SERPINB8: variants seen among roughly 807,000 people sequenced by gnomAD.
The protein encoded by SERPINB8 is serpin family B member 8.
SERPINB8 carries 25 observed loss-of-function variants against 35.3 expected under a neutral mutation model. The observed-to-expected ratio is 0.71, with a 90% CI of 0.52 to 0.99. The LOEUF (loss-of-function observed/expected upper bound fraction) is 0.99. SERPINB8 is among the 50% of genes least tolerant of loss of function. SERPINB8 has a pLI of 0.00. For missense variants in SERPINB8, 484 were observed against 446.5 expected (o/e 1.08, Z -0.76); for synonymous variants, 186 against 160.8 (o/e 1.16, Z -1.19).
At chr18:63,985,718 A>G (rs1462026365) in intron 6 of SERPINB8, among the ~76,000 whole-genome samples, 1 of 152,238 alleles carries the variant, frequency 6.6e-6, no homozygotes, top group Non-Finnish European at 1.5e-5. Context: ...GAACCACACT[A>G]TGAATAGCAA....
At chr18:64,014,852 G>T (rs2050942345) in intron 7 of SERPINB8, among the ~76,000 whole-genome samples, 1 of 152,144 alleles carries the variant, frequency 6.6e-6, no homozygotes, top group South Asian at 2.1e-4. Context: ...GAGCTACCCA[G>T]ATTCAAATCC....
chr18:64,000,971 T>C (rs1314487800), intron 1 of SERPINB8, among the ~76,000 whole-genome samples: 1 of 152,254 alleles, frequency 6.6e-6, no homozygotes, highest in Non-Finnish European at 1.5e-5. Flanking sequence ...AAATGTAGGA[T>C]TGCTATGTAG....
rs914626570 is a variant in SERPINB8 at position 63,986,972 on chromosome 18, G to A, written c.819G>A (p.Leu273=). Residue 273 remains leucine, a synonymous_variant, in exon 7 of 7, where the codon CTG becomes CTA. Coordinates refer to ENST00000397985, the MANE Select transcript of SERPINB8 (RefSeq NM_002640.4). ...AAGTTTTCCTTCCCAGATTAAAGCT[G>A]GAGGAGAGTTATGACTTGGAGCCTT... ...KVQVFLPRLK[L]EESYDLEPFL... The A allele has an allele frequency of 2.2e-5, 35 of 1,614,100 alleles. No homozygotes were observed. Among genetic ancestry groups the A allele is most frequent in the Non-Finnish European group, 2.9e-5 (34 of 1,180,040 alleles).
rs751587744 is a variant in SERPINB8 at position 63,985,175 on chromosome 18, A to G, written c.650A>G (p.Glu217Gly). ...YADEVHTQVL[E>G]LPYVEEELSM... is the part of the protein sequence containing the mutation. ...GATGAGGTACACACCCAGGTCCTGG[A>G]GCTGCCCTATGTGGAAGAGGAGCTG... The change falls in exon 6 of 7, where the codon GAG (glutamate) becomes GGG (glycine). Residue 217 changes from glutamate to glycine, a missense_variant. By Grantham distance (98) the Glu-to-Gly change is moderately conservative. Transcript: ENST00000397985. The G allele has an allele frequency of 3.1e-6, 5 of 1,614,192 alleles. No homozygotes were observed. Among genetic ancestry groups the G allele is most frequent in the Non-Finnish European group, 8.5e-7 (1 of 1,180,036 alleles).
intron 1 of SERPINB8, among the ~76,000 whole-genome samples, chr18:64,004,324 A>G (rs912769687): frequency 3.3e-5 from 5 of 152,224 alleles, no homozygotes; most frequent in South Asian, 2.1e-4. Context: ...CTGAAAAGAA[A>G]AAAAGCCTTG....
chr18:63,983,873 G>A (rs567205650), intron 5 of SERPINB8, 152 bp downstream of exon 5: 1 of 579,640 alleles, frequency 1.7e-6, no homozygotes, highest in East Asian at 3.2e-5. Context: ...TTGAGACAGG[G>A]TCTCTTTTTG....
chr18:64,001,660 T>C (rs569588652), intron 1 of SERPINB8, among the ~76,000 whole-genome samples: 65 of 152,176 alleles, frequency 4.3e-4, no homozygotes, highest in African/African-American at 1.5e-3. Flanking sequence ...CTAATTTTTG[T>C]ATTTTTAGTA....
At chr18:64,003,996 T>C (rs1226078526) in intron 1 of SERPINB8, among the ~76,000 whole-genome samples, 1 of 152,196 alleles carries the variant, frequency 6.6e-6, no homozygotes, top group Non-Finnish European at 1.5e-5. Flanking sequence ...TAAAATTACA[T>C]TCTATTTGGC....
At chr18:64,010,008 A>C (rs759845002), downstream of SERPINB8, among the ~76,000 whole-genome samples, 83 of 152,122 alleles carry the variant, frequency 5.5e-4, no homozygotes, top group Non-Finnish European at 1.0e-3. Flanking sequence ...ACAGAAACTA[A>C]GAGATGATAG....
chr18:63,994,810 A>G (rs1466852525), intron 1 of SERPINB8, among the ~76,000 whole-genome samples: 1 of 152,080 alleles, frequency 6.6e-6, no homozygotes, highest in African/African-American at 2.4e-5. Flanking sequence ...GATTTCAAGA[A>G]TTTTTATGCC....
intron 1 of SERPINB8, among the ~76,000 whole-genome samples, chr18:63,973,349 T>C (rs1429167428): frequency 2.6e-5 from 4 of 152,226 alleles, no homozygotes; most frequent in Non-Finnish European, 5.9e-5. Flanking sequence ...TTTGTTTTTT[T>C]CTTGTAAATT....
intron 4 of SERPINB8, among the ~76,000 whole-genome samples, chr18:63,982,604 A>G (rs1306714272): frequency 6.6e-6 from 1 of 152,176 alleles, no homozygotes; most frequent in African/African-American, 2.4e-5. Context: ...CCCTGATTCT[A>G]CTGAAAGCCA....
Position 63,978,889 on chromosome 18 carries a change from A to G in SERPINB8, c.168+413A>G, listed in dbSNP as rs573312417. On this transcript the variant is annotated intron_variant, in intron 2 of 6. Coordinates refer to ENST00000397985, the MANE Select transcript of SERPINB8 (RefSeq NM_002640.4). ...TTTGTTAAGTGGGTTATTTTAGTGC[A>G]TGATTATGCATCCTAGAAGAGGAAT... Among the ~76,000 whole-genome samples, 3 of 152,318 alleles carry G rather than the reference A, an allele frequency of 2.0e-5. No individual in the cohort carries two copies. In the East Asian group the frequency reaches 5.8e-4, roughly 29 times the overall value.
At chr18:63,995,213 C>T (rs993075380) in intron 1 of SERPINB8, among the ~76,000 whole-genome samples, 1 of 152,146 alleles carries the variant, frequency 6.6e-6, no homozygotes, top group Non-Finnish European at 1.5e-5. Context: ...CTTGAAGAGC[C>T]TCACGATCCT....
rs2050803680 is a variant in SERPINB8 at position 63,989,120 on chromosome 18, A to G, written c.*1842A>G. ...ACTATAGATTAATTTGCATTTTTAA[A>G]GAAATTTACATACATGGAACCATAC... On this transcript the variant is annotated 3_prime_UTR_variant, in exon 7 of 7. Coordinates refer to ENST00000397985, the MANE Select transcript of SERPINB8 (RefSeq NM_002640.4). 6.6e-6 allele frequency: 1 copy of G among 152,238 alleles called. No individual in the cohort carries two copies. The highest frequency in any genetic ancestry group is 2.4e-5 in the African/African-American group (1 of 41,458). The allele number at this position is 152,238 out of a possible 1,614,324, so 9.4% of individuals were successfully genotyped here. A position where few individuals can be genotyped will look rare whatever the true frequency, so the allele number is the denominator to read the frequency against.
chr18:63,978,507 C>A lies in SERPINB8; in HGVS notation c.168+31C>A, dbSNP rs1482002914. ...TGTGCTTGTCACAAAGGAAGGAGAA[C>A]AGTGTGTTTCCCTTGTGCTTCCATA... On this transcript the variant is annotated intron_variant, in intron 2 of 6. Transcript: ENST00000397985. The A allele has an allele frequency of 2.5e-6, 4 of 1,610,366 alleles. No homozygotes were observed. The East Asian group carries it at 8.9e-5, about 36-fold the overall frequency.
Position 63,997,173 on chromosome 18 carries a change from C to G in SERPINB8, c.71-7646C>G, listed in dbSNP as rs564641140. ...GGGAGTCAGCCAAAAGGCACATACA[C>G]TTTGAGAAACAATTATTGTCCTGTT... is the stretch of plus-strand genomic sequence containing the variant. On this transcript the variant is annotated intron_variant, in intron 1 of 1. Coordinates refer to the SERPINB8 transcript ENST00000493661. Among the ~76,000 whole-genome samples, 7 of 152,334 alleles carry G rather than the reference C, an allele frequency of 4.6e-5. No homozygotes were observed. In the South Asian group the frequency reaches 1.4e-3, roughly 32 times the overall value.
chr18:63,981,314 G>A (rs17072337), intron 3 of SERPINB8, among the ~76,000 whole-genome samples: 4,647 of 152,268 alleles, frequency 0.031, 263 homozygotes, highest in African/African-American at 0.11. Context: ...AAAGCCTCTC[G>A]TTTAACCAAA....
Position 63,985,088 on chromosome 18 carries a change from G to T in SERPINB8, c.568-5G>T, listed in dbSNP as rs200141903. 6.2e-7 allele frequency: 1 copy of T among 1,611,876 alleles called. No homozygotes were observed. The highest frequency in any genetic ancestry group is 1.3e-5 in the African/African-American group (1 of 74,744). On this transcript the variant is annotated splice_region_variant and splice_polypyrimidine_tract_variant and intron_variant, in intron 5 of 6. Coordinates refer to ENST00000397985, the MANE Select transcript of SERPINB8 (RefSeq NM_002640.4). Reference sequence around the variant, plus strand: ...TCAGTAATCGAACTTTAATTTTTCCGTTAGGAAAAAAAGACAGTGCAGATG... The same window carrying T: ...TCAGTAATCGAACTTTAATTTTTCCTTTAGGAAAAAAAGACAGTGCAGATG...
Sources: allele counts gnomAD v4.1 joint callset (sites outside exome capture counted in the v4.1 genomes callset), GRCh38; gene constraint gnomAD v4.1.1; transcripts MANE v1.5; gene names NCBI Gene and HGNC (gene_info 2026-07-23, HGNC 2026-07-21).